Variants in CTNNA3 observed in about 807,000 individuals in gnomAD.
The protein encoded by CTNNA3 is catenin alpha-3.
Under a neutral mutation model 95.7 loss-of-function variants are expected in CTNNA3, and 76 were observed. The ratio of observed to expected loss-of-function variants is 0.79; its 90% CI spans 0.66 to 0.96. The LOEUF is 0.96. Among genes scored for constraint, CTNNA3 ranks in the 40% least tolerant of loss-of-function variants. The pLI, the probability that CTNNA3 is intolerant of heterozygous loss-of-function variation, is 0.00. For synonymous variants in CTNNA3, 431 were observed against 374.4 expected (o/e 1.15, Z -1.74); for missense variants, 1,191 against 1,089.8 (o/e 1.09, Z -1.31).
intron 1 of CTNNA3, among the ~76,000 whole-genome samples, chr10:67,716,210 T>C (rs778326672): frequency 6.6e-6 from 1 of 152,148 alleles, no homozygotes; most frequent in Non-Finnish European, 1.5e-5. Flanking sequence ...CAAATAAATA[T>C]CAGAGATTTT....
intron 7 of CTNNA3, among the ~76,000 whole-genome samples, chr10:67,162,700 T>C (rs911439730): frequency 6.6e-6 from 1 of 151,704 alleles, no homozygotes; most frequent in Non-Finnish European, 1.5e-5. Flanking sequence ...AGAAATTCAA[T>C]GAAATAAAAA....
intron 13 of CTNNA3, among the ~76,000 whole-genome samples, chr10:66,235,645 A>C (rs544198073): frequency 6.6e-6 from 1 of 152,250 alleles, no homozygotes; most frequent in South Asian, 2.1e-4. Flanking sequence ...AGTTCTAAGT[A>C]GTTTGGTCAC....
At chr10:66,124,789 T>A (rs561790254) in intron 13 of CTNNA3, among the ~76,000 whole-genome samples, 1 of 152,144 alleles carries the variant, frequency 6.6e-6, no homozygotes, top group East Asian at 1.9e-4. Context: ...TCAGATCTCA[T>A]GAGACTCATT....
At chr10:67,344,778 CT>C (rs1166975436) in intron 5 of CTNNA3, among the ~76,000 whole-genome samples, 1 of 151,856 alleles carries the variant, frequency 6.6e-6, no homozygotes, top group Non-Finnish European at 1.5e-5. Flanking sequence ...TTTTGTTTAG[CT>C]TTTTAAAACA....
intron 11 of CTNNA3, among the ~76,000 whole-genome samples, chr10:66,468,527 A>C (rs1163094978): frequency 6.6e-6 from 1 of 151,954 alleles, no homozygotes; most frequent in Non-Finnish European, 1.5e-5. Context: ...TAGCATAAAG[A>C]AGTTCTGGAG....
intron 1 of CTNNA3, among the ~76,000 whole-genome samples, chr10:67,705,319 A>C (rs538155149): frequency 2.8e-3 from 431 of 152,122 alleles, no homozygotes; most frequent in African/African-American, 9.5e-3. Flanking sequence ...CTATAAAGAC[A>C]CATGCACACG....
At chr10:66,816,160 T>C (rs1842072511) in intron 7 of CTNNA3, among the ~76,000 whole-genome samples, 1 of 152,130 alleles carries the variant, frequency 6.6e-6, no homozygotes, top group Non-Finnish European at 1.5e-5. Context: ...TTAATTGTAA[T>C]TTCCAAGGCA....
chr10:67,665,691 A>G (rs1840316571), intron 1 of CTNNA3: 1 of 152,166 alleles, frequency 6.6e-6, no homozygotes, highest in African/African-American at 2.4e-5. Flanking sequence ...ACCCTAGTGT[A>G]TTTCAGGATG....
At chr10:67,283,423 G>T (rs1484262612) in intron 5 of CTNNA3, among the ~76,000 whole-genome samples, 1 of 151,982 alleles carries the variant, frequency 6.6e-6, no homozygotes, top group Non-Finnish European at 1.5e-5. Context: ...CTTCCTCTAG[G>T]AACACTCAGT....
chr10:66,901,253 A>G (rs1419314973), intron 7 of CTNNA3, among the ~76,000 whole-genome samples: 3 of 152,244 alleles, frequency 2.0e-5, no homozygotes, highest in Non-Finnish European at 2.9e-5. Flanking sequence ...TTTTCAACAC[A>G]GAATTTCATA....
intron 7 of CTNNA3, among the ~76,000 whole-genome samples, chr10:66,832,673 C>G (rs1842760796): frequency 1.3e-5 from 2 of 150,712 alleles, no homozygotes; most frequent in African/African-American, 4.9e-5. Context: ...TATGACCCAA[C>G]TCAAAGTCAC....
chr10:66,836,117 G>C (rs1396103079), intron 7 of CTNNA3, among the ~76,000 whole-genome samples: 1 of 152,160 alleles, frequency 6.6e-6, no homozygotes, highest in African/African-American at 2.4e-5. Context: ...CAATTCTGTA[G>C]CAAATATTTC....
chr10:66,052,746 G>A (rs1432707241), intron 15 of CTNNA3, among the ~76,000 whole-genome samples: 1 of 152,098 alleles, frequency 6.6e-6, no homozygotes, highest in Non-Finnish European at 1.5e-5. Flanking sequence ...ATATGGACAT[G>A]AGAGACGGAG....
chr10:67,464,959 C>A (rs10997652), intron 5 of CTNNA3, among the ~76,000 whole-genome samples: 5,103 of 151,712 alleles, frequency 0.034, 96 homozygotes, highest in Non-Finnish European at 0.041. Context: ...GAAATAGTAA[C>A]AAATACCTAA....
intron 9 of CTNNA3, among the ~76,000 whole-genome samples, chr10:66,663,013 G>T (rs567228654): frequency 6.6e-6 from 1 of 152,088 alleles, no homozygotes; most frequent in Admixed American, 6.6e-5. Flanking sequence ...CACTGAAATT[G>T]CTTCTGTCTA....
intron 15 of CTNNA3, among the ~76,000 whole-genome samples, chr10:66,053,270 A>G (rs1350629438): frequency 1.3e-5 from 2 of 152,200 alleles, no homozygotes; most frequent in African/African-American, 2.4e-5. Flanking sequence ...ACCAATCACC[A>G]TCTCAAAGAA....
intron 9 of CTNNA3, among the ~76,000 whole-genome samples, chr10:66,683,132 A>C (rs182885812): frequency 1.1e-3 from 170 of 152,306 alleles, no homozygotes; most frequent in Admixed American, 6.6e-3. Flanking sequence ...AAAATCAAGT[A>C]AGGTGATACC....
intron 7 of CTNNA3, among the ~76,000 whole-genome samples, chr10:66,920,174 C>G (rs1485062258): frequency 6.6e-6 from 1 of 152,216 alleles, no homozygotes; most frequent in Non-Finnish European, 1.5e-5. Flanking sequence ...CATAGATACT[C>G]TGATTGCAGA....
intron 11 of CTNNA3, among the ~76,000 whole-genome samples, chr10:66,482,983 C>A (rs139615867): frequency 1.3e-5 from 2 of 152,142 alleles, no homozygotes; most frequent in Non-Finnish European, 2.9e-5. Context: ...CTCATGATGA[C>A]CAGCATCCAG....
Sources: gnomAD v4.1 joint callset for allele counts (sites outside exome capture counted in the v4.1 genomes callset) on GRCh38, gnomAD v4.1.1 for gene constraint, MANE v1.5 for transcripts, NCBI Gene and HGNC (gene_info 2026-07-23, HGNC 2026-07-21) for gene names.